The following TM2D2 variants were observed in gnomAD, a reference collection of about 807,000 sequenced individuals.
The protein encoded by TM2D2 is TM2 domain containing 2, also known as TM2 domain-containing protein 2.
A neutral mutation model predicts 23.0 loss-of-function variants in TM2D2; 19 were observed. The ratio of observed to expected loss-of-function variants is 0.82; its 90% CI spans 0.58 to 1.21. The LOEUF (loss-of-function observed/expected upper bound fraction) is 1.21. Among genes scored for constraint, TM2D2 ranks in the 50% most tolerant of loss-of-function variants. The pLI is 0.00. For missense variants in TM2D2, 246 were observed against 265.4 expected (o/e 0.93, Z 0.51); for synonymous variants, 120 against 108.8 (o/e 1.10, Z -0.64).
At chr8:38,991,580 T>G (rs752885910) in intron 3 of TM2D2, 35 bp from the exon 4 acceptor site, 1 of 1,521,180 alleles carries the variant, frequency 6.6e-7, no homozygotes, top group Admixed American at 1.7e-5. Flanking sequence ...GATGTTTTAC[T>G]GCACGAAAAT....
chr8:38,995,587 A>G, intron 1 of TM2D2, 182 bp from the exon 2 acceptor site: 1 of 1,479,902 alleles, frequency 6.8e-7, no homozygotes, highest in East Asian at 2.6e-5. Context: ...ACGGACAGCC[A>G]CCAAAATGAA....
intron 2 of TM2D2, among the ~76,000 whole-genome samples, chr8:38,994,428 C>A (rs1835694785): frequency 6.6e-6 from 1 of 152,096 alleles, no homozygotes; most frequent in African/African-American, 2.4e-5. Context: ...TTAAAATGGG[C>A]AAAAGTGATC....
chr8:38,994,746 T>C (rs145777595), intron 2 of TM2D2, among the ~76,000 whole-genome samples: 1 of 152,338 alleles, frequency 6.6e-6, no homozygotes, highest in African/African-American at 2.4e-5. Flanking sequence ...GCTTTAGGGA[T>C]ATTACTAATA....
chr8:38,996,070 G>A, intron 1 of TM2D2, 143 bp downstream of exon 1: 3 of 1,020,026 alleles, frequency 2.9e-6, no homozygotes, highest in Non-Finnish European at 4.2e-6. Flanking sequence ...GAGAAACCTG[G>A]TTCATGATAT....
rs1835784086 is a variant in TM2D2 at position 38,996,245 on chromosome 8, G to A, written c.195C>T (p.Asp65=). 1 of 1,613,794 alleles carries A rather than the reference G, an allele frequency of 6.2e-7. No individual in the cohort carries two copies. The highest frequency in any genetic ancestry group is 8.5e-7 in the Non-Finnish European group (1 of 1,179,962). ...PGGAASWEYG[D]PHSPVILCSY... ...AGCAGAGGATGACCGGAGAGTGGGG[G>A]TCGCCATATTCCCAGCTCGCAGCAC... The change falls in exon 1 of 4, where the codon GAC becomes GAT. Residue 65 remains aspartate (D), a synonymous_variant. Transcript: ENST00000456397.
rs1835575277 is a variant in TM2D2, at chr8:38,990,667, C to T, written c.*665G>A. 1 of 152,178 alleles carries T rather than the reference C, an allele frequency of 6.6e-6. No homozygotes were observed. Among genetic ancestry groups the T allele is most frequent in the Non-Finnish European group, 1.5e-5 (1 of 68,056 alleles). 9.4% of individuals were successfully genotyped at this position (152,178 alleles called of 1,614,324 possible). On this transcript the variant is annotated 3_prime_UTR_variant, in exon 4 of 4. Coordinates refer to ENST00000456397, the MANE Select transcript of TM2D2 (RefSeq NM_078473.3). ...CATAAGTGGAATGAAAAAATTATTG[C>T]ACTGCATATACTGCCTCTGGAACAT...
At position 38,996,329 on chromosome 8, in the gene TM2D2, A is replaced by T. The variant is rs373355777; in HGVS notation, c.111T>A (p.Asn37Lys). Residue 37 changes from asparagine to lysine, a missense_variant, in exon 1 of 4, where the codon AAT (asparagine) becomes AAA (lysine). Asn to Lys is a moderately conservative substitution (Grantham distance 94). Coordinates refer to ENST00000456397, the MANE Select transcript of TM2D2 (RefSeq NM_078473.3). ...ATGTGAGCTCAGGCTCAGCGGTCGC[A>T]TTTTGCGAGTGGCTCCGAGACACAC... ...LHCVSRSHSQ[N>K]ATAEPELTSA... 4.3e-6 allele frequency: 7 copies of T among 1,614,028 alleles called. No individual in the cohort carries two copies. In the African/African-American group the frequency reaches 9.3e-5, roughly 22 times the overall value.
chr8:38,993,417 C>G (rs1441518097), intron 3 of TM2D2, 128 bp downstream of exon 3: 1 of 589,832 alleles, frequency 1.7e-6, no homozygotes, highest in African/African-American at 1.9e-5. Context: ...GATTGCACCA[C>G]TGCACTCCAG....
chr8:38,996,488 C>T lies in TM2D2; in HGVS notation c.-49G>A, dbSNP rs1023545819. ...CCCGGCCTCAACCACAACCCCAGGCCAGCAGCACAGACCCAAGAACTGCGT... is the reference window on the plus strand; with the variant it reads ...CCCGGCCTCAACCACAACCCCAGGCTAGCAGCACAGACCCAAGAACTGCGT... On this transcript the variant is annotated 5_prime_UTR_variant, in exon 1 of 4. Transcript: ENST00000456397. 6.2e-6 allele frequency: 10 copies of T among 1,609,572 alleles called. No homozygotes were observed. The African/African-American group carries it at 6.7e-5, about 11-fold the overall frequency.
chr8:38,990,189 G>A lies in TM2D2; in HGVS notation c.*1143C>T, dbSNP rs538882551. On this transcript the variant is annotated 3_prime_UTR_variant, in exon 4 of 4. Coordinates refer to ENST00000456397, the MANE Select transcript of TM2D2 (RefSeq NM_078473.3). ...TAGGAAAGCTACAAAATGATAGAAT[G>A]TATCCAGGGAAGTTATTTCAACTGT... The A allele has an allele frequency of 2.0e-5, 3 of 152,308 alleles. No homozygotes were observed. Among genetic ancestry groups the A allele is most frequent in the Admixed American group, 6.5e-5 (1 of 15,298 alleles). 9.4% of individuals were successfully genotyped at this position (152,308 alleles called of 1,614,324 possible). A position where few individuals can be genotyped will look rare whatever the true frequency, so the allele number is the denominator to read the frequency against.
chr8:38,995,226 A>G (rs371142476), intron 2 of TM2D2, 92 bp downstream of exon 2: 5 of 958,802 alleles, frequency 5.2e-6, no homozygotes, highest in East Asian at 5.6e-5. Flanking sequence ...TCTTCAAAAA[A>G]CTTTGTACCT....
At chr8:38,993,681 C>G (rs1307461162) in intron 2 of TM2D2, 21 bp from the exon 3 acceptor site, 10 of 1,572,358 alleles carry the variant, frequency 6.4e-6, no homozygotes, top group Non-Finnish European at 8.7e-6. Context: ...ACAACCAAGA[C>G]CAAAACCAAC....
chr8:38,989,866 A>C lies in TM2D2; in HGVS notation c.*1466T>G, dbSNP rs1252224286. ...TAGGGTACCAGTACAATTTTATTTC[A>C]TGCATAAATTGTGTAGATGAACCCA... On this transcript the variant is annotated 3_prime_UTR_variant, in exon 4 of 4. Coordinates refer to ENST00000456397, the MANE Select transcript of TM2D2 (RefSeq NM_078473.3). 6.6e-6 allele frequency: 1 copy of C among 152,178 alleles called. No individual in the cohort carries two copies. The highest frequency in any genetic ancestry group is 1.5e-5 in the Non-Finnish European group (1 of 68,030). The allele number at this position is 152,178 out of a possible 1,614,324, so 9.4% of individuals were successfully genotyped here. A position where few individuals can be genotyped will look rare whatever the true frequency, so the allele number is the denominator to read the frequency against.
chr8:38,993,469 T>A (rs1261562836), intron 3 of TM2D2, 76 bp downstream of exon 3: 4 of 1,098,934 alleles, frequency 3.6e-6, no homozygotes, highest in African/African-American at 3.2e-5. Context: ...AAACAAAAAA[T>A]AAATAAATAA....
chr8:38,993,432 G>C, intron 3 of TM2D2, 113 bp downstream of exon 3: 1 of 693,210 alleles, frequency 1.4e-6, no homozygotes, highest in Non-Finnish European at 2.3e-6. Flanking sequence ...CTCCAGCCTG[G>C]GTAACAGAGT....
chr8:38,992,646 C>A (rs75385437), intron 3 of TM2D2, among the ~76,000 whole-genome samples: 7,863 of 152,174 alleles, frequency 0.052, 267 homozygotes, highest in Non-Finnish European at 0.072. Flanking sequence ...TTGGATTGGA[C>A]AAGAAGTCAT....
chr8:38,996,558 C>G (rs1835809668), upstream of TM2D2: 1 of 1,494,838 alleles, frequency 6.7e-7, no homozygotes, highest in Non-Finnish European at 8.9e-7. Context: ...CCCCGCCAAA[C>G]AGCCAATGGA....
Position 38,989,195 on chromosome 8 carries a change from C to G in TM2D2, c.*2137G>C, listed in dbSNP as rs1421140094. On this transcript the variant is annotated 3_prime_UTR_variant, in exon 4 of 4. Transcript: ENST00000456397. ...GCAGCGAGAACAACTTCTTTTGTCT[C>G]CAGCAGCTTTACTGACAGTAAGAAG... 1.3e-5 allele frequency: 2 copies of G among 152,204 alleles called. No individual in the cohort carries two copies. The highest frequency in any genetic ancestry group is 1.9e-4 in the East Asian group (1 of 5,198). The allele number at this position is 152,204 out of a possible 1,614,324, so 9.4% of individuals were successfully genotyped here.
intron 2 of TM2D2, among the ~76,000 whole-genome samples, chr8:38,994,206 A>G (rs1835688518): frequency 6.6e-6 from 1 of 152,192 alleles, no homozygotes; most frequent in African/African-American, 2.4e-5. Context: ...ATTACCTGAT[A>G]TCTGTGGGAC....
Sources: allele counts gnomAD v4.1 joint callset (sites outside exome capture counted in the v4.1 genomes callset), GRCh38; gene constraint gnomAD v4.1.1; transcripts MANE v1.5; gene names NCBI Gene and HGNC (gene_info 2026-07-23, HGNC 2026-07-21).